ZNF366: variants seen among roughly 807,000 people sequenced by gnomAD.
ZNF366 encodes dendritic cell-specific transcript protein.
ZNF366 carries 20 observed loss-of-function variants against 47.2 expected under a neutral mutation model. The ratio of observed to expected loss-of-function variants is 0.42; its 90% CI spans 0.30 to 0.62. The LOEUF is 0.62. Among genes scored for constraint, ZNF366 ranks in the 20% least tolerant of loss-of-function variants. The probability of loss-of-function intolerance (pLI) is 0.16; values close to 1 mark genes in which losing one functional copy is unlikely to be tolerated. For missense variants in ZNF366, 987 were observed against 976.3 expected (o/e 1.01, Z -0.15); for synonymous variants, 421 against 395.1 (o/e 1.07, Z -0.78).
At chr5:72,451,168 C>T (rs1743062139) in intron 3 of ZNF366, among the ~76,000 whole-genome samples, 1 of 152,210 alleles carries the variant, frequency 6.6e-6, no homozygotes, top group Admixed American at 6.5e-5. Context: ...TTCAGGAAGC[C>T]GCTGGAGTGG....
chr5:72,453,844 G>T (rs1377783014), intron 3 of ZNF366, among the ~76,000 whole-genome samples: 2 of 152,302 alleles, frequency 1.3e-5, no homozygotes, highest in East Asian at 3.9e-4. Context: ...TTCACAAATG[G>T]CTAAGAATGG....
chr5:72,443,413 A>G lies in ZNF366; in HGVS notation c.*343T>C, dbSNP rs1055943066. The G allele has an allele frequency of 5.6e-5, 11 of 194,758 alleles. No individual in the cohort carries two copies. The highest frequency in any genetic ancestry group is 3.3e-4 in the Admixed American group (6 of 18,346). The allele number at this position is 194,758 out of a possible 1,614,324, so 12.1% of individuals were successfully genotyped here. On this transcript the variant is annotated 3_prime_UTR_variant, in exon 5 of 5. Transcript: ENST00000318442. Reference sequence around the variant, plus strand: ...CCTCAAGCACCATATTTTTGCAATTAGAAATTTACCATGTATTGCATATGA... The same window carrying G: ...CCTCAAGCACCATATTTTTGCAATTGGAAATTTACCATGTATTGCATATGA...
intron 1 of ZNF366, among the ~76,000 whole-genome samples, chr5:72,487,671 A>G (rs1456221211): frequency 2.0e-5 from 3 of 152,172 alleles, no homozygotes; most frequent in Non-Finnish European, 2.9e-5. Context: ...CCACTTTCAG[A>G]TAAGCATATT....
At chr5:72,476,328 C>T (rs190328088) in intron 1 of ZNF366, among the ~76,000 whole-genome samples, 2 of 152,160 alleles carry the variant, frequency 1.3e-5, no homozygotes, top group East Asian at 1.9e-4. Context: ...AGTCAGGCAT[C>T]GATGTTTTTT....
rs1357601107 is a variant in ZNF366 at position 72,461,038 on chromosome 5, T to C, written c.459A>G (p.Glu153=). ...GCCACACGGCGCTGGGCTTAATGGG[T>C]TCCTGCTTGACGGGCTTGCCCCCAA... The part of the protein sequence containing the change: ...EHFGGKPVKQ[E]PIKPSAVWPQ... Residue 153 remains glutamate (E), a synonymous_variant, in exon 2 of 5, where the codon GAA becomes GAG. Coordinates refer to ENST00000318442, the MANE Select transcript of ZNF366 (RefSeq NM_152625.3). 1 of 1,613,874 alleles carries C rather than the reference T, an allele frequency of 6.2e-7. No individual in the cohort carries two copies.
intron 1 of ZNF366, among the ~76,000 whole-genome samples, chr5:72,484,415 C>T (rs1476101593): frequency 4.8e-5 from 7 of 146,954 alleles, no homozygotes; most frequent in South Asian, 2.1e-4. Flanking sequence ...ACCCGGGAGG[C>T]GGAGCTTGCA....
At chr5:72,460,102 T>C in intron 2 of ZNF366, 63 bp downstream of exon 2, 2 of 1,563,894 alleles carry the variant, frequency 1.3e-6, no homozygotes, top group Non-Finnish European at 1.7e-6. Context: ...TCCCCAGTGC[T>C]CTGCTCAGGG....
intron 1 of ZNF366, among the ~76,000 whole-genome samples, chr5:72,475,829 A>G (rs1299677404): frequency 6.6e-6 from 1 of 152,198 alleles, no homozygotes; most frequent in Non-Finnish European, 1.5e-5. Flanking sequence ...CTGCCCAATC[A>G]GAGGCTCTCA....
rs569599609 is a variant in ZNF366 at position 72,503,938 on chromosome 5, C to T, written c.-15+3313G>A. On this transcript the variant is annotated intron_variant, in intron 1 of 4. Transcript: ENST00000318442. ...AAGTGGAGAGAAATTTAACTAAGAC[C>T]TAAGTAAAAGTATCATTATTACTTG... Among the ~76,000 whole-genome samples the T allele has an allele frequency of 1.2e-4, 19 of 152,258 alleles. No individual in the cohort carries two copies. The South Asian group carries it at 3.7e-3, about 30-fold the overall frequency.
At chr5:72,454,943 A>G (rs1019785113) in intron 3 of ZNF366, among the ~76,000 whole-genome samples, 2 of 151,792 alleles carry the variant, frequency 1.3e-5, no homozygotes, top group Non-Finnish European at 2.9e-5. Flanking sequence ...ATAGTCAGAA[A>G]GCTCCTGAGT....
At chr5:72,459,181 G>A (rs1580236431) in intron 2 of ZNF366, among the ~76,000 whole-genome samples, 2 of 152,330 alleles carry the variant, frequency 1.3e-5, no homozygotes, top group Admixed American at 1.3e-4. Context: ...CCTAAGAAGT[G>A]AAACGTATTA....
chr5:72,489,670 T>C (rs867526856), intron 1 of ZNF366, among the ~76,000 whole-genome samples: 2 of 152,230 alleles, frequency 1.3e-5, no homozygotes, highest in African/African-American at 4.8e-5. Flanking sequence ...AGAATGAGAA[T>C]GAACTTTGTT....
At chr5:72,479,324 A>C (rs1378666208) in intron 1 of ZNF366, among the ~76,000 whole-genome samples, 1 of 152,148 alleles carries the variant, frequency 6.6e-6, no homozygotes, top group Non-Finnish European at 1.5e-5. Context: ...GCACTTTGGG[A>C]GTCTGAGGCA....
At chr5:72,505,079 T>G (rs1744294645) in intron 1 of ZNF366, among the ~76,000 whole-genome samples, 1 of 152,188 alleles carries the variant, frequency 6.6e-6, no homozygotes, top group African/African-American at 2.4e-5. Context: ...AAATTGTAAT[T>G]TAGTTATGTG....
At position 72,443,554 on chromosome 5, in the gene ZNF366, C is replaced by T. The variant is rs1483797476; in HGVS notation, c.*202G>A. The T allele has an allele frequency of 8.7e-6, 5 of 577,926 alleles. No homozygotes were observed. The highest frequency in any genetic ancestry group is 1.5e-5 in the Non-Finnish European group (5 of 331,372). The allele number at this position is 577,926 out of a possible 1,614,324, so 35.8% of individuals were successfully genotyped here. A position where few individuals can be genotyped will look rare whatever the true frequency, so the allele number is the denominator to read the frequency against. ...TGCATAAAACGCCACTGATGAAGAC[C>T]CTGCACATGTGTGAAGGGTATCAAG... is the stretch of plus-strand genomic sequence containing the variant. On this transcript the variant is annotated 3_prime_UTR_variant, in exon 5 of 5. Transcript: ENST00000318442.
At chr5:72,489,776 C>T (rs1044957697) in intron 1 of ZNF366, among the ~76,000 whole-genome samples, 14 of 152,208 alleles carry the variant, frequency 9.2e-5, no homozygotes, top group African/African-American at 3.4e-4. Flanking sequence ...GGAAGAGAAC[C>T]TTCTCTCTGA....
At chr5:72,445,225 G>A (rs534199274) in intron 4 of ZNF366, among the ~76,000 whole-genome samples, 2 of 152,252 alleles carry the variant, frequency 1.3e-5, no homozygotes, top group African/African-American at 4.8e-5. Flanking sequence ...TTTTCAGCAT[G>A]GCAGTTTCAT....
At chr5:72,474,900 CAAT>C (rs1471444092) in intron 1 of ZNF366, among the ~76,000 whole-genome samples, 1 of 152,176 alleles carries the variant, frequency 6.6e-6, no homozygotes, top group East Asian at 1.9e-4. Flanking sequence ...TTAGGAATTA[CAAT>C]GACTCTTTAT....
At position 72,461,273 on chromosome 5, in the gene ZNF366, C is replaced by A. The variant is rs762722295; in HGVS notation, c.224G>T (p.Gly75Val). Residue 75 changes from glycine to valine, a missense_variant, in exon 2 of 5, where the codon GGG becomes GTG. By Grantham distance (109) the Gly-to-Val change is moderately radical (BLOSUM62 -3). Coordinates refer to ENST00000318442, the MANE Select transcript of ZNF366 (RefSeq NM_152625.3). ...DGFPGVFEGA[G>V]SRKRKSMPTK... ...GGGCATGCTCTTCCGTTTCCTAGAC[C>A]CTGCTCCTTCGAAGACCCCGGGGAA... 6.2e-7 allele frequency: 1 copy of A among 1,614,052 alleles called. No individual in the cohort carries two copies. Among genetic ancestry groups the A allele is most frequent in the African/African-American group, 1.3e-5 (1 of 74,976 alleles).
Sources: gnomAD v4.1 joint callset for allele counts (sites outside exome capture counted in the v4.1 genomes callset) on GRCh38, gnomAD v4.1.1 for gene constraint, MANE v1.5 for transcripts, NCBI Gene and HGNC (gene_info 2026-07-23, HGNC 2026-07-21) for gene names.